The following MYT1L variants were observed in gnomAD, a reference collection of about 807,000 sequenced individuals.
MYT1L encodes myelin transcription factor 1-like protein.
In MYT1L, 12 loss-of-function variants were observed where a neutral mutation model predicts 126.7. The observed-to-expected ratio is 0.09, with a 90% CI of 0.06 to 0.15. The LOEUF (loss-of-function observed/expected upper bound fraction) is 0.15. MYT1L is among the 10% of genes least tolerant of loss of function. MYT1L has a pLI of 1.00. For synonymous variants in MYT1L, 541 were observed against 604.2 expected, an observed-to-expected ratio of 0.90 and a Z score of 1.53; for missense variants, 979 against 1,585.2, an observed-to-expected ratio of 0.62 and a Z score of 6.49.
chr2:2,036,808 A>G (rs1384720756), intron 4 of MYT1L, among the ~76,000 whole-genome samples: 1 of 152,194 alleles, frequency 6.6e-6, no homozygotes, highest in Non-Finnish European at 1.5e-5. Context: ...CAAACTTAAG[A>G]CATAAACATG....
At chr2:1,907,715 G>GT (rs1227057374) in intron 13 of MYT1L, among the ~76,000 whole-genome samples, 3 of 152,250 alleles carry the variant, frequency 2.0e-5, no homozygotes, top group East Asian at 1.9e-4. Flanking sequence ...TTTTTGAATC[G>GT]TAACTAGTTA....
intron 3 of MYT1L, among the ~76,000 whole-genome samples, chr2:2,133,837 T>C (rs1290380335): frequency 1.3e-5 from 2 of 152,114 alleles, no homozygotes; most frequent in Non-Finnish European, 2.9e-5. Flanking sequence ...GCCCGGGTGC[T>C]TAGGGACACA....
At chr2:1,865,695 G>A (rs539918625) in intron 18 of MYT1L, among the ~76,000 whole-genome samples, 1 of 152,156 alleles carries the variant, frequency 6.6e-6, no homozygotes, top group East Asian at 1.9e-4. Context: ...ATAGGGACTA[G>A]TGCACTTTCA....
chr2:1,853,464 A>ATAAAT (rs5828882), intron 18 of MYT1L, among the ~76,000 whole-genome samples: 69,701 of 151,694 alleles, frequency 0.46, 16,945 homozygotes, highest in Middle Eastern at 0.66. Context: ...TGTCTAAAAA[A>ATAAAT]TAAATGACTG....
At chr2:1,915,056 T>C (rs567488867) in intron 11 of MYT1L, among the ~76,000 whole-genome samples, 3 of 152,246 alleles carry the variant, frequency 2.0e-5, no homozygotes, top group African/African-American at 4.8e-5. Context: ...CTCATGCCCA[T>C]GTCCTTCTCT....
chr2:2,122,366 G>C (rs1030422646), intron 3 of MYT1L, among the ~76,000 whole-genome samples: 1 of 152,114 alleles, frequency 6.6e-6, no homozygotes, highest in African/African-American at 2.4e-5. Context: ...TGATGGATAC[G>C]AGGTGCTCAG....
At position 2,196,541 on chromosome 2, in the gene MYT1L, AAT is replaced by A. The variant is rs1391446974; in HGVS notation, c.-420-23555_-420-23554del. 1.8e-4 allele frequency among the ~76,000 whole-genome samples: 27 copies of A among 151,372 alleles called. 1 individual carries two copies. Among genetic ancestry groups the A allele is most frequent in the African/African-American group, 6.5e-4 (27 of 41,418 alleles). On this transcript the variant is annotated intron_variant, in intron 2 of 24. Coordinates refer to ENST00000647738, the MANE Select transcript of MYT1L (RefSeq NM_001303052.2). ...TATATATATCCATATATCACATTAT[AAT>A]ATGTGGTTTATATTATATAACATAT...
intron 3 of MYT1L, among the ~76,000 whole-genome samples, chr2:2,142,591 C>A (rs912890309): frequency 6.6e-6 from 1 of 152,144 alleles, no homozygotes; most frequent in African/African-American, 2.4e-5. Flanking sequence ...TTCAGAGGTA[C>A]ATTTGTGTGC....
At chr2:2,199,644 T>C (rs887837781) in intron 2 of MYT1L, among the ~76,000 whole-genome samples, 4 of 152,180 alleles carry the variant, frequency 2.6e-5, no homozygotes, top group Non-Finnish European at 1.5e-5. Flanking sequence ...TAAGGCTGTG[T>C]GTTCTGCAGT....
chr2:2,324,085 A>G (rs575340317), intron 1 of MYT1L: 1 of 152,320 alleles, frequency 6.6e-6, no homozygotes, highest in South Asian at 2.1e-4. Context: ...TTCTTTTGTT[A>G]CTGACCATCA....
chr2:1,875,186 G>A (rs2046752806), intron 18 of MYT1L, among the ~76,000 whole-genome samples: 1 of 152,140 alleles, frequency 6.6e-6, no homozygotes, highest in Non-Finnish European at 1.5e-5. Context: ...TACTGACTGA[G>A]CATAGAGCTG....
chr2:1,795,446 T>A (rs1202891513), intron 23 of MYT1L: 2 of 152,602 alleles, frequency 1.3e-5, no homozygotes, highest in Non-Finnish European at 2.9e-5. Context: ...ACGCCAGGCC[T>A]CCTCCGAGGA....
chr2:1,829,016 G>A (rs1410436642), intron 21 of MYT1L, among the ~76,000 whole-genome samples: 1 of 152,144 alleles, frequency 6.6e-6, no homozygotes, highest in African/African-American at 2.4e-5. Flanking sequence ...TCAGGGCACT[G>A]CACATGAGAG....
At chr2:2,310,698 C>T (rs1197494684) in intron 1 of MYT1L, among the ~76,000 whole-genome samples, 1 of 152,152 alleles carries the variant, frequency 6.6e-6, no homozygotes, top group African/African-American at 2.4e-5. Flanking sequence ...ATTTTAACAC[C>T]TAACTTATAT....
chr2:1,959,377 G>A (rs943185075), intron 8 of MYT1L, among the ~76,000 whole-genome samples: 10 of 152,264 alleles, frequency 6.6e-5, no homozygotes, highest in Non-Finnish European at 1.0e-4. Flanking sequence ...CTCTCAGACC[G>A]TCTGGATGTG....
At chr2:2,239,616 A>G (rs2094397159) in intron 2 of MYT1L, among the ~76,000 whole-genome samples, 2 of 152,218 alleles carry the variant, frequency 1.3e-5, no homozygotes, top group African/African-American at 4.8e-5. Context: ...CCATGCCGTC[A>G]ACCTAAGACT....
chr2:1,849,087 A>G (rs1297396898), intron 19 of MYT1L, among the ~76,000 whole-genome samples: 3 of 152,120 alleles, frequency 2.0e-5, no homozygotes, highest in Non-Finnish European at 4.4e-5. Context: ...ACAGTCTAAG[A>G]TATATGTAAA....
chr2:1,865,191 G>A (rs1459332429), intron 18 of MYT1L, among the ~76,000 whole-genome samples: 1 of 152,172 alleles, frequency 6.6e-6, no homozygotes. Flanking sequence ...TGGACTCAGC[G>A]CCTGCTTTGG....
chr2:2,326,689 T>C (rs1317346473), intron 1 of MYT1L: 2 of 152,230 alleles, frequency 1.3e-5, no homozygotes, highest in African/African-American at 2.4e-5. Context: ...CTCTATCTAA[T>C]AAATAAGCAT....
Sources: gnomAD v4.1 joint callset for allele counts (sites outside exome capture counted in the v4.1 genomes callset) on GRCh38, gnomAD v4.1.1 for gene constraint, MANE v1.5 for transcripts, NCBI Gene and HGNC (gene_info 2026-07-23, HGNC 2026-07-21) for gene names.